The following TOX4 variants were observed in gnomAD, a reference collection of about 807,000 sequenced individuals.
TOX4 encodes the protein epidermal Langerhans cell protein LCP1.
Under a neutral mutation model 61.0 loss-of-function variants are expected in TOX4, and 12 were observed. That is an observed-to-expected ratio of 0.20 (90% confidence interval 0.13 to 0.32). TOX4 has a LOEUF of 0.32. Ranked by LOEUF, TOX4 falls within the 10% of genes least tolerant of loss-of-function variation. TOX4 has a pLI of 1.00. For missense variants in TOX4, 499 were observed against 753.3 expected (o/e 0.66, Z 3.95); for synonymous variants, 268 against 274.8 (o/e 0.98, Z 0.24).
intron 2 of TOX4, among the ~76,000 whole-genome samples, chr14:21,479,321 T>C (rs997938533): frequency 6.6e-6 from 1 of 150,378 alleles, no homozygotes; most frequent in Non-Finnish European, 1.5e-5. Context: ...GTGATCAAAC[T>C]CTGTCTCTAT....
rs1891230934 is a variant in TOX4, at chr14:21,488,618, A to G, written c.347A>G (p.Tyr116Cys). The change falls in exon 4 of 9, where the codon TAT becomes TGT. Residue 116 changes from tyrosine to cysteine, a missense_variant. Physicochemically the swap from Tyr to Cys is radical, Grantham distance 194. This residue lies in a region of TOX4 where 90 missense variants were observed against 109.5 expected (regional missense o/e 0.82). Transcript: ENST00000448790. ...MDLDHSIGTQ[Y>C]SANPPVTIDV... ...TTGGACCACTCTATAGGAACTCAGT[A>G]TAGTGCCAACCCACCTGTTACAATT... The G allele has an allele frequency of 6.2e-7, 1 of 1,614,142 alleles. No homozygotes were observed.
Position 21,488,711 on chromosome 14 carries a change from C to T in TOX4, c.440C>T (p.Ser147Leu). 1 of 1,614,190 alleles carries T rather than the reference C, an allele frequency of 6.2e-7. No individual in the cohort carries two copies. Among genetic ancestry groups the T allele is most frequent in the Non-Finnish European group, 8.5e-7 (1 of 1,180,038 alleles). ...AGCCAGTTGACCACCATTGATCAGT[C>T]AGAACTGAGTTCCCAGCTGGGTTTG... The part of the protein sequence containing the change: ...GHSQLTTIDQ[S>L]ELSSQLGLSL... Residue 147 changes from serine (S) to leucine (L), a missense_variant, in exon 4 of 9, where the codon TCA becomes TTA. Around this residue, in one of 7 missense-constraint regions of TOX4, gnomAD observed 4 missense variants for 21.5 expected, o/e 0.19. Coordinates refer to ENST00000448790, the MANE Select transcript of TOX4 (RefSeq NM_014828.4).
In TOX4 at chr14:21,498,500, C is replaced by G. The variant is rs1891466488; in HGVS notation, c.*1894C>G. 2.5e-6 allele frequency: 2 copies of G among 807,756 alleles called. No individual in the cohort carries two copies. The highest frequency in any genetic ancestry group is 3.5e-5 in the South Asian group (2 of 57,406). The allele number at this position is 807,756 out of a possible 1,614,324, so 50.0% of individuals were successfully genotyped here. A position where few individuals can be genotyped will look rare whatever the true frequency, so the allele number is the denominator to read the frequency against. On this transcript the variant is annotated 3_prime_UTR_variant, in exon 9 of 9. Transcript: ENST00000448790. Reference sequence around the variant, plus strand: ...TATGCCAATTCTAAAAAGAGCTTAACATTAGAATAGTATATGGTAGAATTA... The same window carrying G: ...TATGCCAATTCTAAAAAGAGCTTAAGATTAGAATAGTATATGGTAGAATTA...
At chr14:21,493,297 T>G in intron 7 of TOX4, 40 bp downstream of exon 7, 1 of 1,544,458 alleles carries the variant, frequency 6.5e-7, no homozygotes, top group Non-Finnish European at 8.7e-7. Context: ...AGTGGAAATG[T>G]ATAAAAATGT....
At chr14:21,480,436 G>A (rs993193183) in intron 2 of TOX4, among the ~76,000 whole-genome samples, 8 of 151,996 alleles carry the variant, frequency 5.3e-5, no homozygotes, top group Admixed American at 1.3e-4. Flanking sequence ...CCTTGGTAGC[G>A]GTGGTAATGG....
chr14:21,498,242 C>G lies in TOX4; in HGVS notation c.*1636C>G. On this transcript the variant is annotated 3_prime_UTR_variant, in exon 9 of 9. Coordinates refer to ENST00000448790, the MANE Select transcript of TOX4 (RefSeq NM_014828.4). ...GAGCCATGGCTATGGATTCTTAGCTCTGTAAGGAAGTGCTTCTATAAATTC... is the reference window on the plus strand; with the variant it reads ...GAGCCATGGCTATGGATTCTTAGCTGTGTAAGGAAGTGCTTCTATAAATTC... 1 of 1,435,148 alleles carries G rather than the reference C, an allele frequency of 7.0e-7. No homozygotes were observed. The allele number at this position is 1,435,148 out of a possible 1,614,324, so 88.9% of individuals were successfully genotyped here.
intron 5 of TOX4, among the ~76,000 whole-genome samples, chr14:21,490,121 T>C (rs569053387): frequency 3.3e-5 from 5 of 151,400 alleles, no homozygotes; most frequent in African/African-American, 7.3e-5. Flanking sequence ...CAGTGAGCCA[T>C]GTTTGTGTCA....
rs1020823819 is a variant in TOX4 at position 21,497,444 on chromosome 14, T to G, written c.*838T>G. 7.2e-5 allele frequency: 11 copies of G among 152,090 alleles called. No individual in the cohort carries two copies. Among genetic ancestry groups the G allele is most frequent in the African/African-American group, 2.7e-4 (11 of 41,506 alleles). 9.4% of individuals were successfully genotyped at this position (152,090 alleles called of 1,614,324 possible). ...TTTTACTGTTTGTAGACAGGAATGC[T>G]GTCCTAGAGAACCTCCTCCTCAACC... On this transcript the variant is annotated 3_prime_UTR_variant, in exon 9 of 9. Coordinates refer to ENST00000448790, the MANE Select transcript of TOX4 (RefSeq NM_014828.4).
rs780798025 is a variant in TOX4, at chr14:21,477,278, G to A, written c.-1G>A. On this transcript the variant is annotated 5_prime_UTR_variant, in exon 1 of 9. Transcript: ENST00000448790. ...GAGACGGTGGGAGCGGTTGTGTGAA[G>A]ATGGAGGTAGGAACCTGATAGCTAA... The A allele has an allele frequency of 3.7e-6, 6 of 1,613,868 alleles. No individual in the cohort carries two copies. The highest frequency in any genetic ancestry group is 5.1e-6 in the Non-Finnish European group (6 of 1,179,978).
intron 2 of TOX4, 160 bp downstream of exon 2, chr14:21,477,724 C>T (rs1891024438): frequency 7.0e-6 from 5 of 716,334 alleles, no homozygotes; most frequent in Admixed American, 2.8e-5. Flanking sequence ...CCTGTGGGGA[C>T]TATCTGGGGA....
In TOX4 at chr14:21,489,216, A is replaced by G; in HGVS notation, c.623A>G (p.Lys208Arg). The change falls in exon 5 of 9, where the codon AAG (lysine) becomes AGG (arginine). Residue 208 changes from lysine (K) to arginine (R), a missense_variant. Physicochemically the swap from Lys to Arg is conservative, Grantham distance 26. Around this residue, in one of 7 missense-constraint regions of TOX4, gnomAD observed 61 missense variants for 76.1 expected, o/e 0.80. Coordinates refer to ENST00000448790, the MANE Select transcript of TOX4 (RefSeq NM_014828.4). ...ACAGTCGTGGTGGAAGCAGGGAAAA[A>G]GCAGAAGGCCCCAAAGAAGAGAAAA... is the stretch of plus-strand genomic sequence containing the variant. Reference protein sequence around the residue: ...QKTVVVEAGKKQKAPKKRKKK... With the variant: ...QKTVVVEAGKRQKAPKKRKKK... The G allele has an allele frequency of 6.8e-6, 11 of 1,614,178 alleles. No individual in the cohort carries two copies. The highest frequency in any genetic ancestry group is 9.3e-6 in the Non-Finnish European group (11 of 1,180,032).
chr14:21,477,230 G>A lies in TOX4; in HGVS notation c.-49G>A, dbSNP rs368990058. On this transcript the variant is annotated 5_prime_UTR_variant, in exon 1 of 9. Coordinates refer to ENST00000448790, the MANE Select transcript of TOX4 (RefSeq NM_014828.4). ...TGACGGCAGTTCCGAGTCCAGTGGG[G>A]GCGGTGGGAGCGATGAGGGTCTGAG... 186 of 1,614,038 alleles carry A rather than the reference G, an allele frequency of 1.2e-4. No individual in the cohort carries two copies. The highest frequency in any genetic ancestry group is 1.5e-4 in the Non-Finnish European group (175 of 1,180,020).
At chr14:21,494,046 C>T (rs1255864186) in intron 7 of TOX4, among the ~76,000 whole-genome samples, 1 of 152,050 alleles carries the variant, frequency 6.6e-6, no homozygotes, top group Non-Finnish European at 1.5e-5. Context: ...ACCGTGTGCC[C>T]CATAGTGTTT....
chr14:21,486,389 A>G (rs1363007028), intron 2 of TOX4, among the ~76,000 whole-genome samples: 1 of 98,438 alleles, frequency 1.0e-5, no homozygotes, highest in African/African-American at 3.9e-5. Context: ...ATCATTCATA[A>G]CAATGGTTAA....
Position 21,493,054 on chromosome 14 carries a change from G to A in TOX4, c.1438G>A (p.Val480Ile). 1 of 1,614,016 alleles carries A rather than the reference G, an allele frequency of 6.2e-7. No individual in the cohort carries two copies. Among genetic ancestry groups the A allele is most frequent in the East Asian group, 2.2e-5 (1 of 44,876 alleles). ...CATGCAACAGCCTCCACCTCAGAAA[G>A]TTCGAATCAATTTACAGCAACAGCC... Reference protein sequence around the residue: ...QAMQQPPPQKVRINLQQQPPP... With the variant: ...QAMQQPPPQKIRINLQQQPPP... Residue 480 changes from valine (V) to isoleucine (I), a missense_variant, in exon 7 of 9, where the codon GTT becomes ATT. By Grantham distance (29) the Val-to-Ile change is conservative. Around this residue, in one of 7 missense-constraint regions of TOX4, gnomAD observed 296 missense variants for 404.7 expected, o/e 0.73. Coordinates refer to ENST00000448790, the MANE Select transcript of TOX4 (RefSeq NM_014828.4).
intron 5 of TOX4, 129 bp downstream of exon 5, chr14:21,489,532 T>C: frequency 1.2e-6 from 1 of 826,034 alleles, no homozygotes; most frequent in African/African-American, 1.7e-5. Context: ...TTAAATATCA[T>C]CCCTTGTCTT....
rs1300389137 is a variant in TOX4 at position 21,477,502 on chromosome 14, G to A, written c.13G>A (p.Gly5Arg). MEFP[G>R]GNDNYLTITG... is the part of the protein sequence containing the mutation. The stretch of plus-strand genomic sequence containing the variant: ...ACTTTCTTTTGGTTTCCAGTTTCCC[G>A]GAGGAAATGACAATTACCTGACGAT... Residue 5 changes from glycine (G) to arginine (R), a missense_variant, in exon 2 of 9, where the codon GGA becomes AGA. Coordinates refer to ENST00000448790, the MANE Select transcript of TOX4 (RefSeq NM_014828.4). The A allele has an allele frequency of 2.5e-6, 4 of 1,613,356 alleles. No individual in the cohort carries two copies. Among genetic ancestry groups the A allele is most frequent in the East Asian group, 2.2e-5 (1 of 44,894 alleles).
At chr14:21,488,455 G>T in intron 3 of TOX4, 135 bp from the exon 4 acceptor site, 5 of 827,814 alleles carry the variant, frequency 6.0e-6, no homozygotes, top group Non-Finnish European at 7.3e-6. Flanking sequence ...TTTCATTTTT[G>T]AAGACTATTT....
chr14:21,498,701 G>A lies in TOX4; in HGVS notation c.*2095G>A. On this transcript the variant is annotated 3_prime_UTR_variant, in exon 9 of 9. Transcript: ENST00000448790. ...TAAGCTCTGTTAAGGGGTGAAAGAT[G>A]TAATTATTGACAGATTAAATAGATA... The A allele has an allele frequency of 4.3e-6, 2 of 464,078 alleles. No individual in the cohort carries two copies. Among genetic ancestry groups the A allele is most frequent in the East Asian group, 3.8e-5 (1 of 26,008 alleles). The allele number at this position is 464,078 out of a possible 1,614,324, so 28.7% of individuals were successfully genotyped here.
Sources: gnomAD v4.1 joint callset for allele counts (sites outside exome capture counted in the v4.1 genomes callset) on GRCh38, gnomAD v4.1.1 for gene constraint, gnomAD v4.1.1 regional missense constraint, MANE v1.5 for transcripts, NCBI Gene and HGNC (gene_info 2026-07-23, HGNC 2026-07-21) for gene names.